The following SYT17 variants were observed in gnomAD, a reference collection of about 807,000 sequenced individuals.
The protein encoded by SYT17 is synaptotagmin-17.
SYT17 carries 22 observed loss-of-function variants against 46.7 expected under a neutral mutation model. The observed-to-expected ratio is 0.47, with a 90% confidence interval of 0.34 to 0.67. SYT17 has a LOEUF of 0.67. Ranked by LOEUF, SYT17 falls within the 30% of genes least tolerant of loss-of-function variation. The pLI, the probability that SYT17 is intolerant of heterozygous loss-of-function variation, is 0.01. For synonymous variants in SYT17, 251 were observed against 248.4 expected (o/e 1.01, Z -0.10); for missense variants, 519 against 612.8 (o/e 0.85, Z 1.62).
In SYT17 at chr16:19,184,159, G is replaced by T; in HGVS notation, c.951+12G>T. On this transcript the variant is annotated intron_variant, in intron 5 of 7. Coordinates refer to ENST00000355377, the MANE Select transcript of SYT17 (RefSeq NM_016524.4). Reference sequence around the variant, plus strand: ...TTCCCAGTTCTCAGGTAAGGGATGGGTTTGTGGTGTTTCCTCCTGGGAGCT... The same window carrying T: ...TTCCCAGTTCTCAGGTAAGGGATGGTTTTGTGGTGTTTCCTCCTGGGAGCT... 6.3e-7 allele frequency: 1 copy of T among 1,594,648 alleles called. No homozygotes were observed. The highest frequency in any genetic ancestry group is 8.6e-7 in the Non-Finnish European group (1 of 1,167,188).
Position 19,183,432 on chromosome 16 carries a change from A to C in SYT17, c.332-96A>C. 1 of 1,492,096 alleles carries C rather than the reference A, an allele frequency of 6.7e-7. No individual in the cohort carries two copies. Among genetic ancestry groups the C allele is most frequent in the South Asian group, 1.3e-5 (1 of 79,018 alleles). 92.4% of individuals were successfully genotyped at this position (1,492,096 alleles called of 1,614,324 possible). A position where few individuals can be genotyped will look rare whatever the true frequency, so the allele number is the denominator to read the frequency against. The stretch of plus-strand genomic sequence containing the variant: ...AGAAAGATGGCAAAGGTCATTCTGA[A>C]GCAGAGTAAACAATGCAAGAATCTG... On this transcript the variant is annotated intron_variant, in intron 4 of 7. Coordinates refer to ENST00000355377, the MANE Select transcript of SYT17 (RefSeq NM_016524.4). This position sits in a 1 kb window ranked among gnomAD's most constrained non-coding sequence, Gnocchi z 5.6.
At chr16:19,179,512 C>G (rs984682494) in intron 3 of SYT17, among the ~76,000 whole-genome samples, 1 of 152,198 alleles carries the variant, frequency 6.6e-6, no homozygotes, top group Non-Finnish European at 1.5e-5. Flanking sequence ...AGGGATCCTC[C>G]TGCCTTGGCC....
intron 7 of SYT17, among the ~76,000 whole-genome samples, chr16:19,252,747 A>G (rs1312415126): frequency 6.6e-6 from 1 of 151,166 alleles, no homozygotes; most frequent in East Asian, 2.0e-4. Context: ...CCGGCTACAC[A>G]TTAGGGTCAC....
At chr16:19,188,513 C>CAAAAAAAAAAAAA (rs61202540) in intron 5 of SYT17, among the ~76,000 whole-genome samples, 6 of 64,580 alleles carry the variant, frequency 9.3e-5, no homozygotes, top group South Asian at 7.3e-4. Flanking sequence ...TTCAGTTCTG[C>CAAAAAAAAAAAAA]AAAAAAAAAA....
intron 4 of SYT17, among the ~76,000 whole-genome samples, chr16:19,182,554 G>A (rs13330387): frequency 0.079 from 11,978 of 152,240 alleles, 725 homozygotes; most frequent in African/African-American, 0.16. Context: ...GTGGGCCTAG[G>A]TAATTTCTAA....
intron 5 of SYT17, among the ~76,000 whole-genome samples, chr16:19,212,120 A>G: frequency 6.6e-6 from 1 of 152,244 alleles, no homozygotes; most frequent in South Asian, 2.1e-4. Flanking sequence ...AGACATTCTG[A>G]GACTTTACCA....
At chr16:19,258,852 C>T (rs971286995) in intron 7 of SYT17, among the ~76,000 whole-genome samples, 1 of 152,156 alleles carries the variant, frequency 6.6e-6, no homozygotes, top group Non-Finnish European at 1.5e-5. Flanking sequence ...AGTCAATCCA[C>T]TGACGTCCTT....
At chr16:19,196,454 G>A (rs953111638) in intron 5 of SYT17, among the ~76,000 whole-genome samples, 6 of 152,114 alleles carry the variant, frequency 3.9e-5, no homozygotes, top group African/African-American at 1.4e-4. Context: ...TGTTGGCCGG[G>A]CTGGTCTCGA....
At chr16:19,171,376 T>G (rs1596879404) in intron 1 of SYT17, 2 of 154,498 alleles carry the variant, frequency 1.3e-5, no homozygotes, top group African/African-American at 4.8e-5. Context: ...CAGGCTGGAG[T>G]GCAGTGGTGC....
At chr16:19,181,475 G>GAA (rs11456370) in intron 4 of SYT17, among the ~76,000 whole-genome samples, 61 of 150,938 alleles carry the variant, frequency 4.0e-4, no homozygotes, top group Middle Eastern at 6.8e-3. Context: ...GAAAAAAGTA[G>GAA]AAAAAAAAAG....
chr16:19,196,520 G>A (rs1965252906), intron 5 of SYT17, among the ~76,000 whole-genome samples: 1 of 151,826 alleles, frequency 6.6e-6, no homozygotes, highest in South Asian at 2.1e-4. Context: ...TGGGATTACA[G>A]ATGTGAGCCA....
intron 7 of SYT17, among the ~76,000 whole-genome samples, chr16:19,237,921 G>T (rs959834546): frequency 5.9e-5 from 9 of 152,232 alleles, no homozygotes; most frequent in Non-Finnish European, 1.3e-4. Context: ...ATATCAGTGG[G>T]GAGATCAAGT....
chr16:19,240,426 C>G (rs1967009851), intron 7 of SYT17, among the ~76,000 whole-genome samples: 1 of 152,174 alleles, frequency 6.6e-6, no homozygotes, highest in African/African-American at 2.4e-5. Flanking sequence ...CTCTGCTAGG[C>G]AGGTCATCCA....
intron 5 of SYT17, among the ~76,000 whole-genome samples, chr16:19,197,204 C>T (rs1965282004): frequency 6.6e-6 from 1 of 152,208 alleles, no homozygotes. Flanking sequence ...TGATGAACAG[C>T]AGTGTTTTGG....
intron 7 of SYT17, among the ~76,000 whole-genome samples, chr16:19,259,715 T>C (rs1968829561): frequency 6.6e-6 from 1 of 151,820 alleles, no homozygotes; most frequent in African/African-American, 2.4e-5. Flanking sequence ...CTCCATATTA[T>C]ACAGGTTGTT....
At chr16:19,202,083 C>A (rs1364367688) in intron 5 of SYT17, among the ~76,000 whole-genome samples, 1 of 152,128 alleles carries the variant, frequency 6.6e-6, no homozygotes, top group Non-Finnish European at 1.5e-5. Flanking sequence ...TTTCTCTGGA[C>A]ACCAACTTGG....
In SYT17 at chr16:19,180,469, T is replaced by C. The variant is rs753792918; in HGVS notation, c.261T>C (p.Asn87=). The C allele has an allele frequency of 6.2e-7, 1 of 1,614,134 alleles. No individual in the cohort carries two copies. The highest frequency in any genetic ancestry group is 1.7e-5 in the Admixed American group (1 of 60,020). Residue 87 remains asparagine (N), a synonymous_variant, in exon 4 of 8, where the codon AAT becomes AAC. Coordinates refer to ENST00000355377, the MANE Select transcript of SYT17 (RefSeq NM_016524.4). ...ASEVPLTPRT[N]SPDGRRSSSD... is the part of the protein sequence containing the mutation. The stretch of plus-strand genomic sequence containing the variant: ...AAGTCCCGCTGACCCCACGGACCAA[T>C]TCCCCGGATGGAAGACGCTCGTCCT...
At chr16:19,196,986 T>C (rs1008969072) in intron 5 of SYT17, among the ~76,000 whole-genome samples, 1 of 152,190 alleles carries the variant, frequency 6.6e-6, no homozygotes, top group Non-Finnish European at 1.5e-5. Flanking sequence ...AAAAACTGCC[T>C]GGTAAACAGA....
At chr16:19,249,371 T>C (rs1967860744) in intron 7 of SYT17, among the ~76,000 whole-genome samples, 1 of 152,088 alleles carries the variant, frequency 6.6e-6, no homozygotes, top group African/African-American at 2.4e-5. Context: ...TCCAGCCAAC[T>C]TGAGCCAGGG....
Sources: gnomAD v4.1 joint callset for allele counts (sites outside exome capture counted in the v4.1 genomes callset) on GRCh38, gnomAD v4.1.1 for gene constraint, Gnocchi (gnomAD v3.1) non-coding constraint, MANE v1.5 for transcripts, NCBI Gene and HGNC (gene_info 2026-07-23, HGNC 2026-07-21) for gene names.